DPYD: variants seen among roughly 807,000 people sequenced by gnomAD.
DPYD encodes dihydropyrimidine dehydrogenase.
Under a neutral mutation model 116.2 loss-of-function variants are expected in DPYD, and 109 were observed. The ratio of observed to expected loss-of-function variants is 0.94; its 90% confidence interval spans 0.80 to 1.10. The LOEUF is 1.10. Ranked by LOEUF, DPYD falls within the 50% of genes least tolerant of loss-of-function variation. The pLI is 0.00. For synonymous variants in DPYD, 440 were observed against 432.0 expected (o/e 1.02, Z -0.23); for missense variants, 1,302 against 1,254.5 (o/e 1.04, Z -0.57).
At chr1:97,450,272 A>G in intron 13 of DPYD, 49 bp from the exon 14 acceptor site, 13 of 1,598,426 alleles carry the variant, frequency 8.1e-6, no homozygotes, top group Non-Finnish European at 1.1e-5. Flanking sequence ...AAGAAAAGCT[A>G]TAATCTTTAT....
At chr1:97,288,891 T>C (rs1490910814) in intron 18 of DPYD, among the ~76,000 whole-genome samples, 16 of 151,886 alleles carry the variant, frequency 1.1e-4, no homozygotes, top group African/African-American at 3.9e-4. Context: ...AATTAATGAA[T>C]CCAGGATCTG....
At chr1:97,281,751 C>T (rs1665337700) in intron 18 of DPYD, among the ~76,000 whole-genome samples, 1 of 151,972 alleles carries the variant, frequency 6.6e-6, no homozygotes, top group African/African-American at 2.4e-5. Flanking sequence ...AGCTAAGGAA[C>T]ATCCCTAAAT....
At chr1:97,905,702 A>T (rs1673581924) in intron 1 of DPYD, among the ~76,000 whole-genome samples, 1 of 152,006 alleles carries the variant, frequency 6.6e-6, no homozygotes, top group Admixed American at 6.6e-5. Context: ...CTTCATTTAC[A>T]CATGTGAAGG....
chr1:97,416,726 A>G (rs916344034), intron 14 of DPYD, among the ~76,000 whole-genome samples: 1 of 152,128 alleles, frequency 6.6e-6, no homozygotes, highest in South Asian at 2.1e-4. Context: ...AACACAACAC[A>G]ATTTTAAACA....
intron 12 of DPYD, among the ~76,000 whole-genome samples, chr1:97,535,494 C>T (rs574701474): frequency 1.4e-4 from 21 of 152,078 alleles, no homozygotes; most frequent in Non-Finnish European, 2.2e-4. Flanking sequence ...CGTATTGGAT[C>T]AGATTTTTCA....
At chr1:97,509,796 A>C (rs1323984958) in intron 13 of DPYD, among the ~76,000 whole-genome samples, 2 of 152,006 alleles carry the variant, frequency 1.3e-5, no homozygotes, top group Non-Finnish European at 2.9e-5. Flanking sequence ...GGCAGGTCCT[A>C]GTAGATTCTC....
chr1:97,745,408 T>G (rs1664494847), intron 3 of DPYD, among the ~76,000 whole-genome samples: 1 of 152,082 alleles, frequency 6.6e-6, no homozygotes, highest in African/African-American at 2.4e-5. Context: ...ACATGGGTGC[T>G]TCAAAACAAT....
chr1:97,329,549 C>A (rs1668875038), intron 16 of DPYD, among the ~76,000 whole-genome samples: 1 of 151,574 alleles, frequency 6.6e-6, no homozygotes, highest in Non-Finnish European at 1.5e-5. Context: ...GAGTTCGAGA[C>A]CAGCCTGGCC....
At chr1:97,603,936 G>T (rs1557831425) in intron 8 of DPYD, among the ~76,000 whole-genome samples, 1 of 152,134 alleles carries the variant, frequency 6.6e-6, no homozygotes. Context: ...CACAATGTAT[G>T]AGTTAGGGTC....
chr1:97,386,349 G>A (rs1204021965), intron 14 of DPYD, among the ~76,000 whole-genome samples: 1 of 150,926 alleles, frequency 6.6e-6, no homozygotes, highest in African/African-American at 2.4e-5. Flanking sequence ...GTTGATCACT[G>A]ATTCCTCATT....
chr1:97,554,838 A>T (rs1651576795), intron 11 of DPYD, among the ~76,000 whole-genome samples: 1 of 152,088 alleles, frequency 6.6e-6, no homozygotes, highest in Non-Finnish European at 1.5e-5. Context: ...CTCAGAAGAT[A>T]ACCTTGATTC....
chr1:97,742,988 A>T (rs1163310088), intron 3 of DPYD, among the ~76,000 whole-genome samples: 4 of 152,100 alleles, frequency 2.6e-5, no homozygotes, highest in African/African-American at 9.7e-5. Flanking sequence ...TAACACAATT[A>T]AAAAATAAAG....
chr1:97,545,484 A>C (rs1271337901), intron 12 of DPYD, among the ~76,000 whole-genome samples: 2 of 152,200 alleles, frequency 1.3e-5, no homozygotes, highest in African/African-American at 4.8e-5. Context: ...CTGGAGTTGG[A>C]GCAAGTTGGG....
At chr1:97,577,566 C>G (rs1653348577) in intron 10 of DPYD, among the ~76,000 whole-genome samples, 1 of 152,122 alleles carries the variant, frequency 6.6e-6, no homozygotes, top group Admixed American at 6.5e-5. Context: ...CACTCCTAAC[C>G]TCCGTGTGTG....
intron 2 of DPYD, among the ~76,000 whole-genome samples, chr1:97,834,248 G>A (rs1333003539): frequency 1.3e-5 from 2 of 151,922 alleles, no homozygotes; most frequent in Non-Finnish European, 2.9e-5. Flanking sequence ...CAATCCTGTT[G>A]CCAAGCTAGA....
At chr1:97,416,583 C>T (rs1312020843) in intron 14 of DPYD, among the ~76,000 whole-genome samples, 1 of 152,202 alleles carries the variant, frequency 6.6e-6, no homozygotes, top group Non-Finnish European at 1.5e-5. Context: ...TATATCACTT[C>T]TCTTGAAGTA....
At chr1:97,520,630 C>G (rs994533801) in intron 12 of DPYD, among the ~76,000 whole-genome samples, 1 of 151,990 alleles carries the variant, frequency 6.6e-6, no homozygotes, top group Non-Finnish European at 1.5e-5. Flanking sequence ...CCCCTAACCC[C>G]CCACTCCCCA....
intron 8 of DPYD, 39 bp from the exon 9 acceptor site, chr1:97,595,205 AG>A: frequency 1.3e-6 from 2 of 1,538,630 alleles, no homozygotes; most frequent in Non-Finnish European, 1.8e-6. Context: ...TAGCAGGAGG[AG>A]GGGCTTTTCC....
intron 13 of DPYD, among the ~76,000 whole-genome samples, chr1:97,501,061 C>A (rs557287171): frequency 6.6e-6 from 1 of 152,024 alleles, no homozygotes; most frequent in East Asian, 1.9e-4. Context: ...TTCCAACATT[C>A]CAATACACAA....
Sources: gnomAD v4.1 joint callset for allele counts (sites outside exome capture counted in the v4.1 genomes callset) on GRCh38, gnomAD v4.1.1 for gene constraint, MANE v1.5 for transcripts, NCBI Gene and HGNC (gene_info 2026-07-23, HGNC 2026-07-21) for gene names.